The following TANC2 variants were observed in gnomAD, a reference collection of about 807,000 sequenced individuals.
TANC2 encodes protein TANC2.
A neutral mutation model predicts 210.5 loss-of-function variants in TANC2; 26 were observed. The observed-to-expected ratio is 0.12, with a 90% CI of 0.09 to 0.17. The LOEUF is 0.17. TANC2 is among the 10% of genes least tolerant of loss of function. The probability of loss-of-function intolerance (pLI) is 1.00; values close to 1 mark genes in which losing one functional copy is unlikely to be tolerated. For missense variants in TANC2, 2,129 were observed against 2,608.9 expected (o/e 0.82, Z 4.01); for synonymous variants, 931 against 967.1 (o/e 0.96, Z 0.69).
Position 63,200,867 on chromosome 17 carries a change from A to G in TANC2, c.679A>G (p.Ile227Val), listed in dbSNP as rs1235044719. The stretch of plus-strand genomic sequence containing the variant: ...TAGCCCCTGCTCTACACTCCCACCC[A>G]TCAGTACAAATGCAACTGCCAAGGA... The change falls in exon 7 of 28, where the codon ATC (isoleucine) becomes GTC (valine). Residue 227 changes from isoleucine to valine, a missense_variant. By Grantham distance (29) the Ile-to-Val change is conservative. This residue lies in a region of TANC2 where 739 missense variants were observed against 848.0 expected (regional missense o/e 0.87). Coordinates refer to ENST00000689528, the Ensembl canonical transcript of TANC2. The G allele has an allele frequency of 2.5e-6, 4 of 1,613,848 alleles. No homozygotes were observed. In the South Asian group the frequency reaches 3.3e-5, roughly 13 times the overall value.
chr17:63,357,500 C>T (rs2046814209), intron 14 of TANC2, among the ~76,000 whole-genome samples: 1 of 152,234 alleles, frequency 6.6e-6, no homozygotes, highest in Non-Finnish European at 1.5e-5. Context: ...GATTGAATAG[C>T]ATGGCTGCTG....
At chr17:63,175,934 C>T (rs1243518999) in intron 5 of TANC2, among the ~76,000 whole-genome samples, 1 of 152,158 alleles carries the variant, frequency 6.6e-6, no homozygotes, top group East Asian at 1.9e-4. Context: ...TAAGAGTGGT[C>T]ACTAAACACG....
intron 7 of TANC2, among the ~76,000 whole-genome samples, chr17:63,219,895 A>T (rs1466715726): frequency 6.6e-6 from 1 of 152,206 alleles, no homozygotes; most frequent in East Asian, 1.9e-4. Context: ...TTGAAAAAGA[A>T]CAAAGTTGGA....
chr17:63,145,548 T>G (rs974122350), intron 4 of TANC2, among the ~76,000 whole-genome samples: 1 of 152,184 alleles, frequency 6.6e-6, no homozygotes, highest in African/African-American at 2.4e-5. Context: ...ATTTTAGCTC[T>G]TATTTTTAGG....
intron 7 of TANC2, among the ~76,000 whole-genome samples, chr17:63,216,702 G>C (rs759108385): frequency 6.6e-6 from 1 of 152,096 alleles, no homozygotes; most frequent in Non-Finnish European, 1.5e-5. Flanking sequence ...TTGATTGTTG[G>C]GTGGCAGCAA....
intron 7 of TANC2, among the ~76,000 whole-genome samples, chr17:63,211,452 A>G (rs1045562716): frequency 2.0e-5 from 3 of 151,404 alleles, no homozygotes; most frequent in Non-Finnish European, 4.4e-5. Context: ...CATTCTTACT[A>G]TGATATCCTC....
At chr17:63,245,579 A>G (rs1458074219) in intron 8 of TANC2, among the ~76,000 whole-genome samples, 1 of 152,028 alleles carries the variant, frequency 6.6e-6, no homozygotes, top group Admixed American at 6.6e-5. Context: ...GCAGTGGCTG[A>G]CACCTGTAAT....
At chr17:63,069,482 C>T (rs559500075) in intron 2 of TANC2, among the ~76,000 whole-genome samples, 208 of 152,204 alleles carry the variant, frequency 1.4e-3, no homozygotes, top group Admixed American at 2.7e-3. Flanking sequence ...TTGAACCTCA[C>T]AACAGCCTTC....
chr17:63,340,061 T>C (rs1177223811), intron 11 of TANC2, 40 bp from the exon 12 acceptor site: 1 of 1,455,990 alleles, frequency 6.9e-7, no homozygotes, highest in Non-Finnish European at 9.6e-7. Flanking sequence ...TTGCTCTTAC[T>C]ACTGATAAGC....
In TANC2 at chr17:63,355,232, C is replaced by T. The variant is rs572348167; in HGVS notation, c.2424C>T (p.Gly808=). 7.7e-5 allele frequency: 125 copies of T among 1,613,706 alleles called. No individual in the cohort carries two copies. The South Asian group carries it at 1.3e-3, about 17-fold the overall frequency. Reference sequence around the variant, plus strand: ...CCATCAATGCTGGGAGCATTGAAGGCACACTAGAATGGGAGGATTTTCAGC... The same window carrying T: ...CCATCAATGCTGGGAGCATTGAAGGTACACTAGAATGGGAGGATTTTCAGC... Residue 808 remains glycine (G), a synonymous_variant, in exon 14 of 28, where the codon GGC becomes GGT. Coordinates refer to ENST00000689528, the Ensembl canonical transcript of TANC2.
intron 19 of TANC2, among the ~76,000 whole-genome samples, chr17:63,404,258 A>G (rs4968772): frequency 0.28 from 42,205 of 152,116 alleles, 6,114 homozygotes; most frequent in African/African-American, 0.36. Flanking sequence ...AAACAAATAC[A>G]TATTTGTTAA....
At chr17:63,322,236 T>C (rs1280127642) in intron 11 of TANC2, among the ~76,000 whole-genome samples, 2 of 152,108 alleles carry the variant, frequency 1.3e-5, no homozygotes. Context: ...ACAGTTAGAA[T>C]CCCTGTAATC....
At chr17:63,064,828 A>G (rs139069761) in intron 2 of TANC2, among the ~76,000 whole-genome samples, 3 of 152,146 alleles carry the variant, frequency 2.0e-5, no homozygotes, top group African/African-American at 7.2e-5. Flanking sequence ...TTGTGAAAGG[A>G]TTAAATCAAG....
chr17:63,353,383 G>A (rs2046678500), intron 13 of TANC2, among the ~76,000 whole-genome samples: 1 of 152,150 alleles, frequency 6.6e-6, no homozygotes, highest in Non-Finnish European at 1.5e-5. Flanking sequence ...CTAGAATTTG[G>A]TGGTAGAGTC....
At chr17:63,053,565 A>G (rs1568347245) in intron 2 of TANC2, among the ~76,000 whole-genome samples, 1 of 152,182 alleles carries the variant, frequency 6.6e-6, no homozygotes, top group Admixed American at 6.5e-5. Flanking sequence ...TTTGTGTCTC[A>G]TTCTTGTATA....
At chr17:62,976,228 T>A (rs1422483445) in intron 1 of TANC2, among the ~76,000 whole-genome samples, 2 of 152,192 alleles carry the variant, frequency 1.3e-5, no homozygotes, top group African/African-American at 4.8e-5. Flanking sequence ...AAATCTCAAA[T>A]CATAGTGTTT....
chr17:63,303,959 A>C (rs950243432), intron 9 of TANC2, among the ~76,000 whole-genome samples: 3 of 151,728 alleles, frequency 2.0e-5, no homozygotes, highest in Admixed American at 1.3e-4. Context: ...GTTCCTCTCT[A>C]AACTGGTTAT....
chr17:63,371,202 C>T (rs2047258508), intron 14 of TANC2, among the ~76,000 whole-genome samples: 1 of 152,174 alleles, frequency 6.6e-6, no homozygotes, highest in South Asian at 2.1e-4. Flanking sequence ...CGGTGGCTCA[C>T]GCCTGTAATC....
At chr17:63,183,873 C>A (rs1054974353) in intron 5 of TANC2, among the ~76,000 whole-genome samples, 1 of 152,068 alleles carries the variant, frequency 6.6e-6, no homozygotes, top group Non-Finnish European at 1.5e-5. Context: ...AAAAATTAGC[C>A]GGGCGAGGTG....
Sources: allele counts gnomAD v4.1 joint callset (sites outside exome capture counted in the v4.1 genomes callset), GRCh38; gene constraint gnomAD v4.1.1; regional missense constraint gnomAD v4.1.1; transcripts MANE v1.5; gene names NCBI Gene and HGNC (gene_info 2026-07-23, HGNC 2026-07-21).